The following ALG9 variants were observed in gnomAD, a reference collection of about 807,000 sequenced individuals.
ALG9 encodes the protein ALG9 alpha-1,2-mannosyltransferase, also known as alpha-1,2-mannosyltransferase ALG9.
In ALG9, 55 loss-of-function variants were observed where a neutral mutation model predicts 81.8. The ratio of observed to expected loss-of-function variants is 0.67; its 90% CI spans 0.54 to 0.84. ALG9 has a LOEUF of 0.84. Among genes scored for constraint, ALG9 ranks in the 40% least tolerant of loss-of-function variants. The pLI is 0.00. For synonymous variants in ALG9, 278 were observed against 274.3 expected, an observed-to-expected ratio of 1.01 and a Z score of -0.13; for missense variants, 629 against 745.0, an observed-to-expected ratio of 0.84 and a Z score of 1.81.
Position 111,860,647 on chromosome 11 carries a change from G to T in ALG9, c.477-12C>A. 6.2e-7 allele frequency: 1 copy of T among 1,603,422 alleles called. No homozygotes were observed. Among genetic ancestry groups the T allele is most frequent in the Non-Finnish European group, 8.5e-7 (1 of 1,171,816 alleles). On this transcript the variant is annotated splice_polypyrimidine_tract_variant and intron_variant, in intron 4 of 14. Coordinates refer to ENST00000616540, the MANE Select transcript of ALG9 (RefSeq NM_024740.2). ...TCTTGCACACAGCCCTAGGAAAAAG[G>T]CAAAGACTATCAGCATTGAGAATAT...
chr11:111,792,359 G>T (rs1947571557), intron 14 of ALG9, among the ~76,000 whole-genome samples: 1 of 152,264 alleles, frequency 6.6e-6, no homozygotes, highest in African/African-American at 2.4e-5. Context: ...AAGGAAGGAT[G>T]AATGGATGGA....
At chr11:111,855,091 T>A (rs1958447279) in intron 6 of ALG9, among the ~76,000 whole-genome samples, 1 of 152,194 alleles carries the variant, frequency 6.6e-6, no homozygotes, top group South Asian at 2.1e-4. Context: ...GGGCTTTCTG[T>A]GTTATCTTTG....
intron 8 of ALG9, among the ~76,000 whole-genome samples, chr11:111,848,198 G>A (rs565089753): frequency 8.6e-4 from 131 of 152,182 alleles, no homozygotes; most frequent in Non-Finnish European, 1.7e-3. Context: ...GAAAAAAGAT[G>A]GTATGTGAAT....
At chr11:111,794,641 T>C (rs963662981) in intron 14 of ALG9, among the ~76,000 whole-genome samples, 9 of 152,038 alleles carry the variant, frequency 5.9e-5, no homozygotes, top group African/African-American at 1.9e-4. Context: ...CTCTTTCTGT[T>C]TTTCTCTTCT....
chr11:111,805,662 A>C (rs1419639666), intron 14 of ALG9, among the ~76,000 whole-genome samples: 1 of 152,198 alleles, frequency 6.6e-6, no homozygotes, highest in African/African-American at 2.4e-5. Flanking sequence ...AGTGGGGGAG[A>C]ATAGAGCATG....
chr11:111,797,080 T>A (rs1002115424), intron 14 of ALG9, among the ~76,000 whole-genome samples: 1 of 152,240 alleles, frequency 6.6e-6, no homozygotes, highest in Non-Finnish European at 1.5e-5. Flanking sequence ...CCAATTTGGA[T>A]GGAGAACGGC....
chr11:111,768,936 T>TG, the ALG9 span: 1 of 151,692 alleles, frequency 6.6e-6, no homozygotes, highest in African/African-American at 2.4e-5. Flanking sequence ...CTACCCAACT[T>TG]GGAGAGACAG....
chr11:111,819,543 T>C (rs1175641398), intron 13 of ALG9, among the ~76,000 whole-genome samples: 3 of 152,228 alleles, frequency 2.0e-5, no homozygotes, highest in African/African-American at 7.2e-5. Context: ...AGTGGGAGGA[T>C]TAAAGCTGAA....
At chr11:111,779,160 C>T (rs1945790395), downstream of ALG9, among the ~76,000 whole-genome samples, 1 of 152,000 alleles carries the variant, frequency 6.6e-6, no homozygotes, top group Admixed American at 6.6e-5. Flanking sequence ...TCTCGTGTAG[C>T]TCCATTGGAG....
chr11:111,809,891 T>C, intron 13 of ALG9, 118 bp from the exon 14 acceptor site: 1 of 1,183,670 alleles, frequency 8.4e-7, no homozygotes, highest in East Asian at 2.4e-5. Flanking sequence ...ATCCAAGTCT[T>C]CAGACAATGT....
rs1946008081 is a variant in ALG9 at position 111,782,354 on chromosome 11, A to G, written c.*4043T>C. 1 of 152,580 alleles carries G rather than the reference A, an allele frequency of 6.6e-6. No individual in the cohort carries two copies. Among genetic ancestry groups the G allele is most frequent in the African/African-American group, 2.4e-5 (1 of 41,436 alleles). 9.5% of individuals were successfully genotyped at this position (152,580 alleles called of 1,614,324 possible). ...ACTGCTTCCTGATTTCATTTGCAGC[A>G]TGAATCACCTGGTTATACAGACTGG... On this transcript the variant is annotated 3_prime_UTR_variant, in exon 15 of 15. Coordinates refer to ENST00000616540, the MANE Select transcript of ALG9 (RefSeq NM_024740.2).
At chr11:111,769,156 A>AC in the ALG9 span, 2 of 150,898 alleles carry the variant, frequency 1.3e-5, no homozygotes, top group African/African-American at 4.9e-5. Context: ...AAAAAAAAAA[A>AC]AAAACTTAGC....
chr11:111,796,297 G>C (rs1555075295), intron 14 of ALG9, among the ~76,000 whole-genome samples: 2 of 152,110 alleles, frequency 1.3e-5, no homozygotes, highest in Non-Finnish European at 1.5e-5. Flanking sequence ...CATGTAATGT[G>C]GTTCTAACTC....
chr11:111,831,007 C>T (rs1428205656), intron 13 of ALG9, among the ~76,000 whole-genome samples: 1 of 151,820 alleles, frequency 6.6e-6, no homozygotes, highest in Non-Finnish European at 1.5e-5. Context: ...CCTCTCTCCA[C>T]AAAAAATTTA....
At chr11:111,849,469 T>G (rs192670052) in intron 8 of ALG9, 20 of 152,362 alleles carry the variant, frequency 1.3e-4, no homozygotes, top group African/African-American at 4.6e-4. Flanking sequence ...CTATCTTTTT[T>G]CCTGTTTTTA....
chr11:111,803,331 A>G (rs1949415944), intron 14 of ALG9, among the ~76,000 whole-genome samples: 1 of 151,832 alleles, frequency 6.6e-6, no homozygotes, highest in Non-Finnish European at 1.5e-5. Context: ...GTGAAACTCC[A>G]TCTCCACTAA....
At chr11:111,841,042 A>C (rs1956140930) in intron 9 of ALG9, among the ~76,000 whole-genome samples, 1 of 152,190 alleles carries the variant, frequency 6.6e-6, no homozygotes. Flanking sequence ...ACAATACTAG[A>C]TTTGGTTAGG....
chr11:111,819,251 C>T (rs1951957609), intron 13 of ALG9, among the ~76,000 whole-genome samples: 1 of 152,232 alleles, frequency 6.6e-6, no homozygotes, highest in South Asian at 2.1e-4. Flanking sequence ...GCCAAAGCCC[C>T]ACAAGTCCTA....
At chr11:111,836,906 G>C (rs1366000038) in intron 12 of ALG9, among the ~76,000 whole-genome samples, 1 of 152,176 alleles carries the variant, frequency 6.6e-6, no homozygotes, top group Non-Finnish European at 1.5e-5. Context: ...ATCTTAACCA[G>C]ATTTCCCTTT....
Sources: gnomAD v4.1 joint callset for allele counts (sites outside exome capture counted in the v4.1 genomes callset) on GRCh38, gnomAD v4.1.1 for gene constraint, MANE v1.5 for transcripts, NCBI Gene and HGNC (gene_info 2026-07-23, HGNC 2026-07-21) for gene names.